STMND1: variants seen among roughly 807,000 people sequenced by gnomAD.
STMND1 encodes the protein stathmin domain containing 1.
A neutral mutation model predicts 23.0 loss-of-function variants in STMND1; 17 were observed. The observed-to-expected ratio is 0.74, with a 90% CI of 0.51 to 1.11. The LOEUF is 1.11. Among genes scored for constraint, STMND1 ranks in the 50% least tolerant of loss-of-function variants. The probability of loss-of-function intolerance (pLI) is 0.00; values close to 1 mark genes in which losing one functional copy is unlikely to be tolerated. For missense variants in STMND1, 305 were observed against 329.1 expected (o/e 0.93, Z 0.57); for synonymous variants, 114 against 119.9 (o/e 0.95, Z 0.32).
In STMND1 at chr6:17,130,605, A is replaced by G; in HGVS notation, c.555A>G (p.Glu185=). The G allele has an allele frequency of 6.6e-7, 1 of 1,511,634 alleles. No individual in the cohort carries two copies. Among genetic ancestry groups the G allele is most frequent in the Non-Finnish European group, 8.8e-7 (1 of 1,137,282 alleles). The allele number at this position is 1,511,634 out of a possible 1,614,324, so 93.6% of individuals were successfully genotyped here. ...ATACTGCATTTCAGACTAAAGAAGA[A>G]GAAATAAGAAAAAGGCTACGGAGTG... ...AAEERRKTKE[E]EIRKRLRSDR... is the part of the protein sequence containing the mutation. Residue 185 remains glutamate, a synonymous_variant, in exon 5 of 5, where the codon GAA becomes GAG. Coordinates refer to ENST00000536551, the MANE Select transcript of STMND1 (RefSeq NM_001190766.2).
rs553107271 is a variant in STMND1 at position 17,117,168 on chromosome 6, A to G, written c.259+2029A>G. Among the ~76,000 whole-genome samples, 13 of 152,096 alleles carry G rather than the reference A, an allele frequency of 8.5e-5. No homozygotes were observed. The South Asian group carries it at 2.5e-3, about 29-fold the overall frequency. On this transcript the variant is annotated intron_variant, in intron 2 of 4. Transcript: ENST00000536551. ...ACTGCAACCTCCGCCTCCTGGGTTC[A>G]AGCAATTCTCCTGCCTCCGCCTCCT...
At chr6:17,103,664 C>T (rs952844636) in intron 1 of STMND1, among the ~76,000 whole-genome samples, 7 of 151,304 alleles carry the variant, frequency 4.6e-5, no homozygotes, top group African/African-American at 1.7e-4. Flanking sequence ...CTCCATCCCC[C>T]GGGTTCAAGC....
chr6:17,114,754 C>T (rs979399485), intron 1 of STMND1, among the ~76,000 whole-genome samples: 2 of 152,192 alleles, frequency 1.3e-5, no homozygotes, highest in Non-Finnish European at 2.9e-5. Flanking sequence ...CACTCCTCAC[C>T]TCCCGCTCTG....
At chr6:17,118,344 A>G (rs1761187356) in intron 2 of STMND1, among the ~76,000 whole-genome samples, 1 of 152,206 alleles carries the variant, frequency 6.6e-6, no homozygotes. Context: ...AAAATTTTGT[A>G]TATTAACAAT....
intron 1 of STMND1, among the ~76,000 whole-genome samples, chr6:17,114,210 C>T (rs1472911270): frequency 6.6e-6 from 1 of 151,602 alleles, no homozygotes; most frequent in Non-Finnish European, 1.5e-5. Context: ...TGCAACTAGA[C>T]AATCCTATCT....
At chr6:17,124,873 C>T (rs1355027014) in intron 3 of STMND1, among the ~76,000 whole-genome samples, 1 of 151,302 alleles carries the variant, frequency 6.6e-6, no homozygotes, top group Non-Finnish European at 1.5e-5. Flanking sequence ...GTGGTGTGCA[C>T]CTGTAGTTAC....
intron 1 of STMND1, chr6:17,110,439 A>T (rs1162472213): frequency 6.0e-6 from 1 of 165,666 alleles, no homozygotes; most frequent in Non-Finnish European, 1.3e-5. Flanking sequence ...TCGGCAGGAA[A>T]GAAAAGTGCC....
chr6:17,104,578 C>G (rs1160052377), intron 1 of STMND1, among the ~76,000 whole-genome samples: 1 of 152,130 alleles, frequency 6.6e-6, no homozygotes, highest in African/African-American at 2.4e-5. Context: ...AGATAATTAT[C>G]ACTTCTCGCT....
rs1275942146 is a variant in STMND1, at chr6:17,131,267, T to C, written c.*386T>C. On this transcript the variant is annotated 3_prime_UTR_variant, in exon 5 of 5. Transcript: ENST00000536551. Reference sequence around the variant, plus strand: ...TCCTCTGCTGCTCCTTTAAAACAAATTGCATGGATTTGTATTAAGTATTTT... The same window carrying C: ...TCCTCTGCTGCTCCTTTAAAACAAACTGCATGGATTTGTATTAAGTATTTT... The C allele has an allele frequency of 1.2e-5, 2 of 171,592 alleles. No homozygotes were observed. Among genetic ancestry groups the C allele is most frequent in the Non-Finnish European group, 2.5e-5 (2 of 81,358 alleles). The allele number at this position is 171,592 out of a possible 1,614,324, so 10.6% of individuals were successfully genotyped here. A position where few individuals can be genotyped will look rare whatever the true frequency, so the allele number is the denominator to read the frequency against.
chr6:17,103,010 T>A (rs1760964516), intron 1 of STMND1, among the ~76,000 whole-genome samples: 1 of 152,074 alleles, frequency 6.6e-6, no homozygotes, highest in African/African-American at 2.4e-5. Flanking sequence ...TTATGGGGAA[T>A]TTTTTCCAGA....
In STMND1 at chr6:17,129,102, T is replaced by C. The variant is rs1406272884; in HGVS notation, c.412-10T>C. The C allele has an allele frequency of 6.5e-7, 1 of 1,534,804 alleles. No individual in the cohort carries two copies. The highest frequency in any genetic ancestry group is 1.2e-5 in the South Asian group (1 of 83,950). The stretch of plus-strand genomic sequence containing the variant: ...ATTGTTTCTTCATGTAAAAAGATGT[T>C]TTATTCCAGTTGACTACGACTGAGA... On this transcript the variant is annotated splice_polypyrimidine_tract_variant and intron_variant, in intron 3 of 4. Coordinates refer to ENST00000536551, the MANE Select transcript of STMND1 (RefSeq NM_001190766.2).
At chr6:17,109,680 C>T (rs1366955305) in intron 1 of STMND1, among the ~76,000 whole-genome samples, 1 of 152,170 alleles carries the variant, frequency 6.6e-6, no homozygotes, top group Non-Finnish European at 1.5e-5. Context: ...TTGCTTCTCA[C>T]AGTACACTTT....
rs1231779368 is a variant in STMND1, at chr6:17,122,441, T to C, written c.411+1683T>C. 2.6e-5 allele frequency among the ~76,000 whole-genome samples: 4 copies of C among 152,218 alleles called. No individual in the cohort carries two copies. The East Asian group carries it at 7.7e-4, about 29-fold the overall frequency. On this transcript the variant is annotated intron_variant, in intron 3 of 4. Transcript: ENST00000536551. ...AGAAATTACCCCAAAGGCTACTTAA[T>C]GGTTGTCTATCCCTGTGTTGTAGGG...
intron 2 of STMND1, among the ~76,000 whole-genome samples, chr6:17,118,316 T>A (rs971260347): frequency 6.6e-6 from 1 of 152,172 alleles, no homozygotes; most frequent in Non-Finnish European, 1.5e-5. Flanking sequence ...TTCAGTATGA[T>A]GTCAAACTTA....
intron 2 of STMND1, among the ~76,000 whole-genome samples, chr6:17,118,110 CATTT>C (rs1761183764): frequency 6.6e-6 from 1 of 152,010 alleles, no homozygotes; most frequent in Non-Finnish European, 1.5e-5. Flanking sequence ...AATCTAGTAA[CATTT>C]ATAAATGTTT....
chr6:17,130,349 G>A (rs1761371507), intron 4 of STMND1, among the ~76,000 whole-genome samples: 1 of 152,132 alleles, frequency 6.6e-6, no homozygotes, highest in South Asian at 2.1e-4. Context: ...AGCCTTCACA[G>A]CTGGGTCTGA....
chr6:17,115,261 T>C (rs1761143781), intron 2 of STMND1, 122 bp downstream of exon 2: 2 of 916,298 alleles, frequency 2.2e-6, no homozygotes, highest in East Asian at 2.8e-5. Context: ...GTACATTAAA[T>C]GGCAGTGTTT....
chr6:17,131,202 G>T lies in STMND1; in HGVS notation c.*321G>T. On this transcript the variant is annotated 3_prime_UTR_variant, in exon 5 of 5. Transcript: ENST00000536551. ...TTACATTAATAAGTTCGTGCCAAAT[G>T]AAATCCTTCCTGTTTACTCCTGCCT... 8.5e-6 allele frequency: 2 copies of T among 236,024 alleles called. No homozygotes were observed. The highest frequency in any genetic ancestry group is 1.6e-5 in the Non-Finnish European group (2 of 123,416). 14.6% of individuals were successfully genotyped at this position (236,024 alleles called of 1,614,324 possible).
chr6:17,115,000 C>G lies in STMND1; in HGVS notation c.120C>G (p.Ser40Arg), dbSNP rs750347593. The G allele has an allele frequency of 2.1e-5, 32 of 1,531,296 alleles. No homozygotes were observed. Among genetic ancestry groups the G allele is most frequent in the Non-Finnish European group, 2.7e-5 (31 of 1,144,890 alleles). The allele number at this position is 1,531,296 out of a possible 1,614,324, so 94.9% of individuals were successfully genotyped here. The stretch of plus-strand genomic sequence containing the variant: ...TGCCTCATACTGGGGAAAATTGCAG[C>G]CCCCGGATGGAAGCTGCTCTGACCA... ...VSVPHTGENC[S>R]PRMEAALTKN... Residue 40 changes from serine to arginine, a missense_variant, in exon 2 of 5, where the codon AGC (serine) becomes AGG (arginine). By Grantham distance (110) the Ser-to-Arg change is moderately radical. Transcript: ENST00000536551.
Sources: allele counts gnomAD v4.1 joint callset (sites outside exome capture counted in the v4.1 genomes callset), GRCh38; gene constraint gnomAD v4.1.1; transcripts MANE v1.5; gene names NCBI Gene and HGNC (gene_info 2026-07-23, HGNC 2026-07-21).